PCDHGB3: variants seen among roughly 807,000 people sequenced by gnomAD.
The protein encoded by PCDHGB3 is protocadherin gamma subfamily B, 3, also known as protocadherin gamma-B3.
PCDHGB3 carries 40 observed loss-of-function variants against 59.2 expected under a neutral mutation model. That is an observed-to-expected ratio of 0.68 (90% CI 0.52 to 0.88). The LOEUF is 0.88. Among genes scored for constraint, PCDHGB3 ranks in the 40% least tolerant of loss-of-function variants. PCDHGB3 has a pLI of 0.00. For synonymous variants in PCDHGB3, 581 were observed against 503.6 expected (o/e 1.15, Z -2.06); for missense variants, 1,309 against 1,187.9 (o/e 1.10, Z -1.50).
At position 141,374,995 on chromosome 5, in the gene PCDHGB3, T is replaced by C. The variant is rs551496415; in HGVS notation, c.2415+2186T>C. ...TTTTGACTGGAGAAATTTCAACTTC[T>C]GCAAATCTAGACTATGAGGACTCGA... On this transcript the variant is annotated intron_variant, in intron 1 of 3. Transcript: ENST00000576222. 4 of 1,613,956 alleles carry C rather than the reference T, an allele frequency of 2.5e-6. No individual in the cohort carries two copies. The Admixed American group carries it at 5.0e-5, about 20-fold the overall frequency.
At chr5:141,418,743 A>G in intron 1 of PCDHGB3, 5 of 1,613,954 alleles carry the variant, frequency 3.1e-6, no homozygotes, top group African/African-American at 1.3e-5. Context: ...TTCTCTCTGG[A>G]TTACACTACA....
At chr5:141,428,493 T>G in intron 1 of PCDHGB3, 1 of 307,146 alleles carries the variant, frequency 3.3e-6, no homozygotes, top group Non-Finnish European at 6.3e-6. Context: ...GCAATCTGTA[T>G]GTTCCCTCGG....
chr5:141,506,447 A>G (rs1405495926), intron 3 of PCDHGB3, among the ~76,000 whole-genome samples: 3 of 146,906 alleles, frequency 2.0e-5, no homozygotes, highest in Non-Finnish European at 3.0e-5. Flanking sequence ...TCTGTCTCAA[A>G]AAAAAAAAAA....
chr5:141,493,694 G>A lies in PCDHGB3; in HGVS notation c.2416-1113G>A, dbSNP rs929897875. On this transcript the variant is annotated intron_variant, in intron 1 of 3. Transcript: ENST00000576222. This position sits in a 1 kb window ranked among gnomAD's most constrained non-coding sequence, Gnocchi z 4.3. ...CCCCAGAATGGTGCTGGTGACTCCC[G>A]ATACACCTGGAATGCTAGGTTTCTG... Among the ~76,000 whole-genome samples the A allele has an allele frequency of 5.9e-5, 9 of 152,130 alleles. No individual in the cohort carries two copies. Among genetic ancestry groups the A allele is most frequent in the African/African-American group, 9.7e-5 (4 of 41,404 alleles).
chr5:141,379,540 G>C (rs1322397241), intron 1 of PCDHGB3: 2 of 152,194 alleles, frequency 1.3e-5, no homozygotes, highest in Non-Finnish European at 2.9e-5. Context: ...TATAGGGAAA[G>C]CTCACTAACT....
In PCDHGB3 at chr5:141,491,737, G is replaced by A; in HGVS notation, c.2416-3070G>A. The A allele has an allele frequency of 6.2e-7, 1 of 1,600,586 alleles. No homozygotes were observed. Among genetic ancestry groups the A allele is most frequent in the Non-Finnish European group, 8.5e-7 (1 of 1,174,266 alleles). On this transcript the variant is annotated intron_variant, in intron 1 of 3. Coordinates refer to ENST00000576222, the MANE Select transcript of PCDHGB3 (RefSeq NM_018924.5). This position sits in a 1 kb window ranked among gnomAD's most constrained non-coding sequence, Gnocchi z 6.9. ...GGCGCCGCCCCGGGCGACCCCTGGG[G>A]GCGGCACTGGAGAAGCCGCCCGTCC...
In PCDHGB3 at chr5:141,491,835, G is replaced by C; in HGVS notation, c.2416-2972G>C. On this transcript the variant is annotated intron_variant, in intron 1 of 3. Coordinates refer to ENST00000576222, the MANE Select transcript of PCDHGB3 (RefSeq NM_018924.5). The surrounding 1 kb of genome is among the most constrained non-coding windows in gnomAD (Gnocchi z 6.9). The stretch of plus-strand genomic sequence containing the variant: ...GCTGGCTGCGCTCCACCCGATTCTC[G>C]GGATCATTGGACCGTTTGCGCGAAA... 1 of 1,473,258 alleles carries C rather than the reference G, an allele frequency of 6.8e-7. No individual in the cohort carries two copies. The highest frequency in any genetic ancestry group is 9.0e-7 in the Non-Finnish European group (1 of 1,112,098). The allele number at this position is 1,473,258 out of a possible 1,614,324, so 91.3% of individuals were successfully genotyped here.
At chr5:141,411,134 G>A (rs1050594380) in intron 1 of PCDHGB3, 1 of 152,434 alleles carries the variant, frequency 6.6e-6, no homozygotes, top group Non-Finnish European at 1.5e-5. Context: ...ACAGGCGTGA[G>A]CCACAATATT....
intron 1 of PCDHGB3, chr5:141,422,357 C>G: frequency 6.4e-7 from 1 of 1,557,656 alleles, no homozygotes; most frequent in African/African-American, 1.4e-5. Flanking sequence ...GATCAAGATT[C>G]TGGAGAAAAT....
intron 1 of PCDHGB3, chr5:141,441,986 C>G (rs2098288559): frequency 7.4e-6 from 2 of 269,216 alleles, no homozygotes; most frequent in Non-Finnish European, 1.5e-5. Flanking sequence ...GAATGCGCAC[C>G]GACGAGGTGC....
rs139839962 is a variant in PCDHGB3, at chr5:141,380,524, G to C, written c.2415+7715G>C. On this transcript the variant is annotated intron_variant, in intron 1 of 3. Coordinates refer to ENST00000576222, the MANE Select transcript of PCDHGB3 (RefSeq NM_018924.5). ...ATATACACTCTTTAAACTATGAAAT[G>C]ATTTCAATTTGATACAATGAGCTTA... Among the ~76,000 whole-genome samples the C allele has an allele frequency of 4.5e-3, 691 of 152,196 alleles. 6 individuals are homozygous for C. Among genetic ancestry groups the C allele is most frequent in the Middle Eastern group, 0.014 (4 of 294 alleles).
In PCDHGB3 at chr5:141,485,985, T is replaced by C. The variant is rs748867624; in HGVS notation, c.2416-8822T>C. 5.6e-6 allele frequency: 9 copies of C among 1,614,086 alleles called. No homozygotes were observed. Among genetic ancestry groups the C allele is most frequent in the South Asian group, 5.5e-5 (5 of 91,094 alleles). On this transcript the variant is annotated intron_variant, in intron 1 of 3. Coordinates refer to ENST00000576222, the MANE Select transcript of PCDHGB3 (RefSeq NM_018924.5). The surrounding 1 kb of genome is among the most constrained non-coding windows in gnomAD (Gnocchi z 5.7). ...CAGCTCAATGCCTCAGACCCGGACC[T>C]GGGTCCCAGTGGTAACGTCACCTTT...
chr5:141,426,887 G>A (rs1309180455), intron 1 of PCDHGB3: 1 of 456,646 alleles, frequency 2.2e-6, no homozygotes, highest in Non-Finnish European at 4.4e-6. Context: ...TGGGCCAGGA[G>A]CAACAGAGCT....
At chr5:141,414,098 C>A in intron 1 of PCDHGB3, 1 of 1,594,212 alleles carries the variant, frequency 6.3e-7, no homozygotes, top group Non-Finnish European at 8.5e-7. Flanking sequence ...ATAAAAATAT[C>A]AGAAAATCTA....
In PCDHGB3 at chr5:141,491,722, C is replaced by T. The variant is rs1276921909; in HGVS notation, c.2416-3085C>T. ...CCAGGTGAGGGGCTCGGCGCCGCCC[C>T]GGGCGACCCCTGGGGGCGGCACTGG... On this transcript the variant is annotated intron_variant, in intron 1 of 3. Coordinates refer to ENST00000576222, the MANE Select transcript of PCDHGB3 (RefSeq NM_018924.5). This position sits in a 1 kb window ranked among gnomAD's most constrained non-coding sequence, Gnocchi z 6.9. The T allele has an allele frequency of 6.2e-7, 1 of 1,607,004 alleles. No homozygotes were observed.
chr5:141,409,293 T>G, intron 1 of PCDHGB3: 1 of 1,613,992 alleles, frequency 6.2e-7, no homozygotes, highest in Non-Finnish European at 8.5e-7. Flanking sequence ...CCTCCAGGAA[T>G]GGTTGTTGCC....
At position 141,398,948 on chromosome 5, in the gene PCDHGB3, A is replaced by T. The variant is rs775133149; in HGVS notation, c.2415+26139A>T. The T allele has an allele frequency of 2.5e-6, 4 of 1,613,958 alleles. No homozygotes were observed. The South Asian group carries it at 3.3e-5, about 13-fold the overall frequency. On this transcript the variant is annotated intron_variant, in intron 1 of 3. Transcript: ENST00000576222. The stretch of plus-strand genomic sequence containing the variant: ...GCCACTGACCAAGACGAGGGCATCA[A>T]CTCAGAAATTACTTATTCCTTCTAC...
rs553276457 is a variant in PCDHGB3 at position 141,480,179 on chromosome 5, G to A, written c.2416-14628G>A. Among the ~76,000 whole-genome samples, 10 of 152,058 alleles carry A rather than the reference G, an allele frequency of 6.6e-5. No individual in the cohort carries two copies. In the South Asian group the frequency reaches 8.3e-4, roughly 13 times the overall value. On this transcript the variant is annotated intron_variant, in intron 1 of 3. Transcript: ENST00000576222. ...AGCATTTTGGGAGGCTGAGGCAGGC[G>A]GATTGCTTGAGGCCAGCAGTTCAAG... is the stretch of plus-strand genomic sequence containing the variant.
chr5:141,453,752 T>C (rs1404363977), intron 1 of PCDHGB3, among the ~76,000 whole-genome samples: 10 of 152,364 alleles, frequency 6.6e-5, no homozygotes, highest in Admixed American at 5.9e-4. Flanking sequence ...AACATAAGTC[T>C]CCTAAAAATA....
Sources: allele counts gnomAD v4.1 joint callset (sites outside exome capture counted in the v4.1 genomes callset), GRCh38; gene constraint gnomAD v4.1.1; non-coding constraint Gnocchi (gnomAD v3.1); transcripts MANE v1.5; gene names NCBI Gene and HGNC (gene_info 2026-07-23, HGNC 2026-07-21).